The following LAMA4 variants were observed in gnomAD, a reference collection of about 807,000 sequenced individuals.
LAMA4 encodes the protein laminin subunit alpha 4, also known as laminin subunit alpha-4.
LAMA4 carries 127 observed loss-of-function variants against 207.1 expected under a neutral mutation model. That is an observed-to-expected ratio of 0.61 (90% CI 0.53 to 0.71). LAMA4 has a LOEUF of 0.71. Ranked by LOEUF, LAMA4 falls within the 30% of genes least tolerant of loss-of-function variation. The probability of loss-of-function intolerance (pLI) is 0.00; values close to 1 mark genes in which losing one functional copy is unlikely to be tolerated. For synonymous variants in LAMA4, 761 were observed against 816.0 expected, an observed-to-expected ratio of 0.93 and a Z score of 1.15; for missense variants, 2,093 against 2,246.5, an observed-to-expected ratio of 0.93 and a Z score of 1.38.
intron 36 of LAMA4, among the ~76,000 whole-genome samples, chr6:112,115,316 AT>A (rs1333400581): frequency 4.4e-5 from 6 of 137,884 alleles, no homozygotes; most frequent in East Asian, 3.9e-4. Flanking sequence ...AAAATCTGTT[AT>A]GTTAAGTTAG....
At chr6:112,192,588 C>A (rs993293119) in intron 5 of LAMA4, among the ~76,000 whole-genome samples, 5 of 152,212 alleles carry the variant, frequency 3.3e-5, no homozygotes, top group African/African-American at 1.2e-4. Flanking sequence ...AGGTGCCTAC[C>A]TGCATTTATT....
chr6:112,211,909 T>C (rs1379099562), intron 3 of LAMA4, among the ~76,000 whole-genome samples: 1 of 151,728 alleles, frequency 6.6e-6, no homozygotes, highest in Non-Finnish European at 1.5e-5. Flanking sequence ...GGAGACAGAG[T>C]AGAGGAAGGA....
intron 2 of LAMA4, among the ~76,000 whole-genome samples, chr6:112,235,119 G>A (rs1215954662): frequency 6.6e-6 from 1 of 152,156 alleles, no homozygotes; most frequent in Non-Finnish European, 1.5e-5. Context: ...GGTTAGAACT[G>A]TCCTGCCTCC....
chr6:112,164,740 G>A (rs538788530), intron 13 of LAMA4, among the ~76,000 whole-genome samples: 1 of 152,162 alleles, frequency 6.6e-6, no homozygotes, highest in South Asian at 2.1e-4. Context: ...TTGAATGCCA[G>A]ATTTATCAAA....
At chr6:112,241,807 A>G (rs1318255418) in intron 2 of LAMA4, among the ~76,000 whole-genome samples, 1 of 152,168 alleles carries the variant, frequency 6.6e-6, no homozygotes, top group Non-Finnish European at 1.5e-5. Context: ...ACTCAAAAGC[A>G]CTTTCCTGCA....
intron 12 of LAMA4, chr6:112,172,295 C>A (rs529473958): frequency 7.5e-4 from 236 of 314,692 alleles, no homozygotes; most frequent in Non-Finnish European, 1.0e-3. Flanking sequence ...ATGCTTTGGC[C>A]TTCTAGTGCT....
rs782063568 is a variant in LAMA4 at position 112,139,868 on chromosome 6, G to A, written c.2994C>T (p.Asn998=). ...CCAGGCAGCCAACAAAGCCAGGCAG[G>A]TTTAAGCTGGTAGGGAGCTATGCAA... ...PSNFKLPTSL[N]LPGFVGCLEL... Residue 998 remains asparagine, a synonymous_variant, in exon 23 of 39, where the codon AAC becomes AAT. Coordinates refer to ENST00000230538, the MANE Select transcript of LAMA4 (RefSeq NM_001105206.3). 6.2e-7 allele frequency: 1 copy of A among 1,614,064 alleles called. No homozygotes were observed. The highest frequency in any genetic ancestry group is 8.5e-7 in the Non-Finnish European group (1 of 1,179,956).
At chr6:112,241,442 C>A (rs1329060471) in intron 2 of LAMA4, among the ~76,000 whole-genome samples, 2 of 151,752 alleles carry the variant, frequency 1.3e-5, no homozygotes, top group African/African-American at 2.4e-5. Flanking sequence ...CCTTTATTAG[C>A]TGGGGTATTG....
intron 11 of LAMA4, 69 bp downstream of exon 11, chr6:112,175,244 A>T: frequency 6.8e-7 from 1 of 1,464,938 alleles, no homozygotes; most frequent in Non-Finnish European, 9.6e-7. Context: ...CCCTAGGTTT[A>T]ATGTCTGCTA....
At position 112,134,535 on chromosome 6, in the gene LAMA4, A is replaced by G; in HGVS notation, c.3489T>C (p.Asn1163=). Residue 1163 remains asparagine (N), a synonymous_variant, in exon 26 of 39, where the codon AAT becomes AAC. Coordinates refer to ENST00000230538, the MANE Select transcript of LAMA4 (RefSeq NM_001105206.3). ...CTGTAAAAGGTATTTTCATCTTTTC[A>G]TTATCCATGCTCTTGACATGCCTTC... The part of the protein sequence containing the change: ...VDRRHVKSMD[N]EKMKIPFTDI... 3.1e-6 allele frequency: 5 copies of G among 1,611,744 alleles called. No individual in the cohort carries two copies. Among genetic ancestry groups the G allele is most frequent in the Non-Finnish European group, 4.2e-6 (5 of 1,178,038 alleles).
chr6:112,172,543 C>T (rs1781776318), intron 12 of LAMA4, 68 bp downstream of exon 12: 72 of 1,445,860 alleles, frequency 5.0e-5, no homozygotes, highest in Non-Finnish European at 6.8e-5. Context: ...TTTATATCAA[C>T]AGCCCCTTCT....
At chr6:112,135,580 T>C (rs12214148) in intron 25 of LAMA4, among the ~76,000 whole-genome samples, 40,928 of 152,112 alleles carry the variant, frequency 0.27, 5,595 homozygotes, top group East Asian at 0.34. Flanking sequence ...AAATAGTTAA[T>C]GAAAATGGAT....
In LAMA4 at chr6:112,113,737, A is replaced by C. The variant is rs74901776; in HGVS notation, c.5326+339T>G. Among the ~76,000 whole-genome samples, 3 of 152,328 alleles carry C rather than the reference A, an allele frequency of 2.0e-5. No individual in the cohort carries two copies. The East Asian group carries it at 5.8e-4, about 29-fold the overall frequency. On this transcript the variant is annotated intron_variant, in intron 38 of 38. Coordinates refer to ENST00000230538, the MANE Select transcript of LAMA4 (RefSeq NM_001105206.3). ...GCAAACTTAATCCTCCAAAGTTCTC[A>C]GATCCTACTGTAGTGTTAGTCAATG...
intron 31 of LAMA4, 70 bp downstream of exon 31, chr6:112,128,852 C>G (rs1778853662): frequency 1.5e-6 from 2 of 1,339,588 alleles, no homozygotes; most frequent in Non-Finnish European, 2.1e-6. Context: ...TTCTCTAAAA[C>G]AGCAGTGTCT....
chr6:112,133,779 C>A (rs1779180842), intron 26 of LAMA4, among the ~76,000 whole-genome samples: 1 of 152,114 alleles, frequency 6.6e-6, no homozygotes, highest in South Asian at 2.1e-4. Flanking sequence ...TATGATTTCC[C>A]TTTAGCAGAC....
At chr6:112,168,082 C>T (rs1341960785) in intron 12 of LAMA4, among the ~76,000 whole-genome samples, 2 of 151,580 alleles carry the variant, frequency 1.3e-5, no homozygotes, top group Non-Finnish European at 2.9e-5. Context: ...CCTGTAGTCC[C>T]AGCTACTCAG....
chr6:112,216,296 A>G lies in LAMA4; in HGVS notation c.297+72T>C, dbSNP rs2068770. On this transcript the variant is annotated intron_variant, in intron 3 of 38. Transcript: ENST00000230538. ...CTCCTATGTGGCTCAAACATCCGAA[A>G]AATATTTTATCTTCACCCAAGATGC... is the stretch of plus-strand genomic sequence containing the variant. The G allele has an allele frequency of 0.36, 378,463 of 1,063,630 alleles. 72,971 individuals carry two copies. Among genetic ancestry groups the G allele is most frequent in the African/African-American group, 0.7 (44,722 of 63,870 alleles). The allele number at this position is 1,063,630 out of a possible 1,614,324, so 65.9% of individuals were successfully genotyped here. A position where few individuals can be genotyped will look rare whatever the true frequency, so the allele number is the denominator to read the frequency against.
chr6:112,177,052 G>A (rs901341291), intron 10 of LAMA4, among the ~76,000 whole-genome samples: 9 of 152,148 alleles, frequency 5.9e-5, no homozygotes, highest in East Asian at 1.9e-4. Context: ...AGTTGGATAA[G>A]GTCATGTTAT....
intron 16 of LAMA4, among the ~76,000 whole-genome samples, chr6:112,154,543 T>C (rs1177082851): frequency 6.7e-6 from 1 of 148,638 alleles, no homozygotes; most frequent in Non-Finnish European, 1.5e-5. Context: ...AGGACATTTT[T>C]CCCCTAAAAA....
Sources: allele counts gnomAD v4.1 joint callset (sites outside exome capture counted in the v4.1 genomes callset), GRCh38; gene constraint gnomAD v4.1.1; transcripts MANE v1.5; gene names NCBI Gene and HGNC (gene_info 2026-07-23, HGNC 2026-07-21).